DGKB: variants seen among roughly 807,000 people sequenced by gnomAD.
DGKB encodes the protein 90 kDa diacylglycerol kinase.
In DGKB, 67 loss-of-function variants were observed where a neutral mutation model predicts 114.3. The ratio of observed to expected loss-of-function variants is 0.59; its 90% CI spans 0.48 to 0.72. DGKB has a LOEUF of 0.72. Among genes scored for constraint, DGKB ranks in the 30% least tolerant of loss-of-function variants. The pLI is 0.00. For synonymous variants in DGKB, 398 were observed against 323.1 expected (o/e 1.23, Z -2.49); for missense variants, 907 against 975.2 (o/e 0.93, Z 0.93).
chr7:14,450,355 T>C (rs1831303501), intron 21 of DGKB, among the ~76,000 whole-genome samples: 1 of 152,126 alleles, frequency 6.6e-6, no homozygotes, highest in Non-Finnish European at 1.5e-5. Context: ...TTTTTCTTTG[T>C]ATTTCCACAG....
At chr7:14,652,975 G>C (rs1814917667) in intron 13 of DGKB, among the ~76,000 whole-genome samples, 1 of 151,742 alleles carries the variant, frequency 6.6e-6, no homozygotes, top group South Asian at 2.1e-4. Flanking sequence ...ACACCAGTTA[G>C]AATGGCAATC....
In DGKB at chr7:14,232,913, C is replaced by G. The variant is rs193051583; in HGVS notation, c.2123-54762G>C. On this transcript the variant is annotated intron_variant, in intron 23 of 25. Coordinates refer to ENST00000402815, the MANE Select transcript of DGKB (RefSeq NM_001350709.2). ...TACAAGCAAAACTTCTTTACAAGCT[C>G]TAATGTGTCAATTTCCAATCTCCAA... 5.9e-5 allele frequency among the ~76,000 whole-genome samples: 9 copies of G among 152,120 alleles called. No homozygotes were observed. In the East Asian group the frequency reaches 1.4e-3, roughly 23 times the overall value.
chr7:14,412,212 T>C (rs953264997), intron 21 of DGKB, among the ~76,000 whole-genome samples: 3 of 152,206 alleles, frequency 2.0e-5, no homozygotes, highest in Admixed American at 6.5e-5. Flanking sequence ...ATAAAGCAGA[T>C]ACCATACTAA....
intron 9 of DGKB, among the ~76,000 whole-genome samples, chr7:14,689,055 C>G (rs1042315729): frequency 6.6e-6 from 1 of 151,692 alleles, no homozygotes; most frequent in African/African-American, 2.4e-5. Flanking sequence ...TTTCAACTGA[C>G]TTAACTTATA....
At chr7:14,831,011 T>C (rs1168904317) in intron 2 of DGKB, among the ~76,000 whole-genome samples, 1 of 151,962 alleles carries the variant, frequency 6.6e-6, no homozygotes, top group Non-Finnish European at 1.5e-5. Context: ...AGACTATTTT[T>C]CATGGCTAGG....
At chr7:14,921,850 T>C (rs1260920300) in intron 1 of DGKB, among the ~76,000 whole-genome samples, 2 of 152,162 alleles carry the variant, frequency 1.3e-5, no homozygotes, top group African/African-American at 4.8e-5. Context: ...CAAGATACAA[T>C]GTGATTAAAT....
intron 21 of DGKB, among the ~76,000 whole-genome samples, chr7:14,401,205 A>C (rs1823042716): frequency 6.6e-6 from 1 of 151,926 alleles, no homozygotes; most frequent in Non-Finnish European, 1.5e-5. Context: ...TCCATTGTGC[A>C]TGGCCAAATT....
At chr7:14,626,696 C>T (rs1436772319) in intron 14 of DGKB, among the ~76,000 whole-genome samples, 1 of 152,106 alleles carries the variant, frequency 6.6e-6, no homozygotes, top group Non-Finnish European at 1.5e-5. Context: ...GATGAAGGCT[C>T]TAAATCTATT....
At chr7:14,588,971 A>C (rs1423993955) in intron 17 of DGKB, among the ~76,000 whole-genome samples, 1 of 152,056 alleles carries the variant, frequency 6.6e-6, no homozygotes, top group Non-Finnish European at 1.5e-5. Flanking sequence ...ACTATATATT[A>C]ATTTTGGGAG....
At chr7:14,704,733 T>C (rs992593769) in intron 6 of DGKB, among the ~76,000 whole-genome samples, 77 of 152,164 alleles carry the variant, frequency 5.1e-4, no homozygotes, top group Middle Eastern at 3.4e-3. Flanking sequence ...CGGCAGGGTA[T>C]TCCAATAGAC....
intron 1 of DGKB, among the ~76,000 whole-genome samples, chr7:14,845,060 T>C (rs1286525933): frequency 7.4e-6 from 1 of 135,236 alleles, no homozygotes; most frequent in Non-Finnish European, 1.5e-5. Context: ...TGGGCTTTGA[T>C]TGCACCACTG....
At chr7:14,500,867 T>C (rs931640793) in intron 20 of DGKB, among the ~76,000 whole-genome samples, 1 of 151,780 alleles carries the variant, frequency 6.6e-6, no homozygotes, top group African/African-American at 2.4e-5. Context: ...TCTTTTTACA[T>C]GAAAAATATA....
At chr7:14,917,750 C>G (rs1042051084) in intron 1 of DGKB, among the ~76,000 whole-genome samples, 1 of 151,804 alleles carries the variant, frequency 6.6e-6, no homozygotes, top group Middle Eastern at 3.2e-3. Context: ...AGCAGAAAGA[C>G]CACTTCCCAA....
intron 17 of DGKB, among the ~76,000 whole-genome samples, chr7:14,600,633 A>G (rs2128763234): frequency 6.6e-6 from 1 of 152,334 alleles, no homozygotes. Context: ...GATAGAATGG[A>G]CAATACCATT....
At chr7:14,432,618 C>G (rs1421281465) in intron 21 of DGKB, among the ~76,000 whole-genome samples, 1 of 152,136 alleles carries the variant, frequency 6.6e-6, no homozygotes, top group Non-Finnish European at 1.5e-5. Context: ...TGGCTTGCAA[C>G]TACTTTTTAA....
At chr7:14,154,524 A>G (rs1782693034) in intron 25 of DGKB, among the ~76,000 whole-genome samples, 1 of 151,952 alleles carries the variant, frequency 6.6e-6, no homozygotes. Context: ...AAATGAATCA[A>G]TGTGCACGAA....
chr7:14,916,960 G>A (rs988822651), intron 1 of DGKB, among the ~76,000 whole-genome samples: 8 of 151,754 alleles, frequency 5.3e-5, no homozygotes, highest in Non-Finnish European at 1.0e-4. Context: ...ATGGAACTAC[G>A]CAGAAATCAA....
intron 1 of DGKB, among the ~76,000 whole-genome samples, chr7:14,940,419 C>A (rs36882): frequency 1.3e-5 from 2 of 151,240 alleles, no homozygotes; most frequent in Non-Finnish European, 3.0e-5. Context: ...TTTTTTTGTA[C>A]TATAATTCTG....
intron 23 of DGKB, among the ~76,000 whole-genome samples, chr7:14,313,591 G>A (rs566906320): frequency 2.0e-5 from 3 of 152,256 alleles, no homozygotes; most frequent in Admixed American, 6.5e-5. Context: ...AAAAAACAGC[G>A]CACCACGAGA....
Sources: allele counts gnomAD v4.1 joint callset (sites outside exome capture counted in the v4.1 genomes callset), GRCh38; gene constraint gnomAD v4.1.1; transcripts MANE v1.5; gene names NCBI Gene and HGNC (gene_info 2026-07-23, HGNC 2026-07-21).